Variants in KIR2DL4 observed in about 807,000 individuals in gnomAD.
The protein encoded by KIR2DL4 is killer cell immunoglobulin-like receptor 2DL4.
KIR2DL4 carries 41 observed loss-of-function variants against 31.0 expected under a neutral mutation model. The ratio of observed to expected loss-of-function variants is 1.32; its 90% confidence interval spans 1.03 to 1.72. The LOEUF (loss-of-function observed/expected upper bound fraction) is 1.72, where lower values mean the gene tolerates loss of function less well. Among genes scored for constraint, KIR2DL4 ranks in the 40% most tolerant of loss-of-function variants. The pLI, the probability that KIR2DL4 is intolerant of heterozygous loss-of-function variation, is 0.00. For synonymous variants in KIR2DL4, 164 were observed against 133.6 expected (o/e 1.23, Z -1.57); for missense variants, 438 against 353.7 (o/e 1.24, Z -1.91).
chr19:54,813,680 T>C lies in KIR2DL4; in HGVS notation c.811-10T>C. The stretch of plus-strand genomic sequence containing the variant: ...CTCCCAGCTGTTTTGATTGCTTCCG[T>C]CTCCTACAGATGCTGCTGTAATGAA... On this transcript the variant is annotated splice_polypyrimidine_tract_variant and intron_variant, in intron 6 of 7. Transcript: ENST00000359085. 2 of 1,611,520 alleles carry C rather than the reference T, an allele frequency of 1.2e-6. No homozygotes were observed. Among genetic ancestry groups the C allele is most frequent in the Non-Finnish European group, 1.7e-6 (2 of 1,179,342 alleles).
At chr19:54,812,883 A>G (rs1487778296) in intron 5 of KIR2DL4, among the ~76,000 whole-genome samples, 2 of 144,744 alleles carry the variant, frequency 1.4e-5, no homozygotes, top group African/African-American at 5.4e-5. Flanking sequence ...TGGGGATTAA[A>G]TTTCAAAGTG....
chr19:54,814,388 T>G, exon 8 of KIR2DL4: 1 of 466,268 alleles, frequency 2.1e-6, no homozygotes, highest in Non-Finnish European at 3.8e-6. Context: ...ACACGTGCTG[T>G]TCCACCTTCC....
chr19:54,808,880 A>G (rs2060686936), exon 5 of KIR2DL4: 16 of 1,603,922 alleles, frequency 1.0e-5, no homozygotes, highest in Admixed American at 1.7e-5. Context: ...AAGCTTCAAA[A>G]CTGGTAAGTG....
At chr19:54,810,868 C>T (rs1173350694) in intron 5 of KIR2DL4, among the ~76,000 whole-genome samples, 1 of 151,126 alleles carries the variant, frequency 6.6e-6, no homozygotes, top group Admixed American at 6.6e-5. Context: ...AATTCCCGCC[C>T]CCCTGGTGAA....
rs887455442 is a variant in KIR2DL4, at chr19:54,806,791, T to A, written c.655+547T>A. 1.8e-4 allele frequency among the ~76,000 whole-genome samples: 27 copies of A among 150,236 alleles called. 3 individuals carry two copies. Among genetic ancestry groups the A allele is most frequent in the African/African-American group, 2.5e-5 (1 of 40,434 alleles). On this transcript the variant is annotated intron_variant, in intron 4 of 7. Coordinates refer to ENST00000359085, the Ensembl canonical transcript of KIR2DL4. Reference sequence around the variant, plus strand: ...GAGACGCCAAGGCAGGTGGATCATTTAAAATCAGGGGCTGGAGACCAGCCT... The same window carrying A: ...GAGACGCCAAGGCAGGTGGATCATTAAAAATCAGGGGCTGGAGACCAGCCT...
chr19:54,811,082 G>A (rs1459940064), intron 5 of KIR2DL4, among the ~76,000 whole-genome samples: 1 of 151,360 alleles, frequency 6.6e-6, no homozygotes, highest in Non-Finnish European at 1.5e-5. Flanking sequence ...GAGGGGTGGT[G>A]CAAAGGAAGA....
At chr19:54,814,368 C>A in exon 8 of KIR2DL4, 1 of 503,578 alleles carries the variant, frequency 2.0e-6, no homozygotes, top group Non-Finnish European at 3.6e-6. Flanking sequence ...TCTCTTAACA[C>A]GGCACTTAGA....
At chr19:54,805,130 G>A in intron 3 of KIR2DL4, 53 bp downstream of exon 3, 1 of 1,514,374 alleles carries the variant, frequency 6.6e-7, no homozygotes, top group Non-Finnish European at 8.8e-7. Context: ...GAGTCCCAGA[G>A]CTTCTGGTGG....
chr19:54,805,011 G>C, exon 3 of KIR2DL4: 2 of 1,611,624 alleles, frequency 1.2e-6, no homozygotes, highest in Non-Finnish European at 1.7e-6. Context: ...CAGATGTCGA[G>C]GTTTTCACCC....
chr19:54,807,867 C>G (rs1601164771), intron 4 of KIR2DL4, among the ~76,000 whole-genome samples: 1 of 150,086 alleles, frequency 6.7e-6, no homozygotes. Context: ...TTGTCTGTCT[C>G]TGAGATAAAA....
Position 54,804,014 on chromosome 19 carries a change from G to A in KIR2DL4, c.76+88G>A, listed in dbSNP as rs1033282024. On this transcript the variant is annotated intron_variant, in intron 2 of 7. Transcript: ENST00000359085. Reference sequence around the variant, plus strand: ...ATGGGAGGGAGGCAGCACAGAGGGTGGGCTGATGGGCTGACCATGGGAAGG... The same window carrying A: ...ATGGGAGGGAGGCAGCACAGAGGGTAGGCTGATGGGCTGACCATGGGAAGG... 17 of 1,177,426 alleles carry A rather than the reference G, an allele frequency of 1.4e-5. 1 individual carries two copies. The highest frequency in any genetic ancestry group is 1.1e-4 in the African/African-American group (7 of 63,948). The allele number at this position is 1,177,426 out of a possible 1,614,324, so 72.9% of individuals were successfully genotyped here.
chr19:54,803,688 C>A, exon 1 of KIR2DL4: 1 of 1,612,074 alleles, frequency 6.2e-7, no homozygotes, highest in Non-Finnish European at 8.5e-7. Flanking sequence ...CCTGGCATGT[C>A]TTGGTGAGTC....
chr19:54,803,931 G>T lies in KIR2DL4; in HGVS notation c.76+5G>T, dbSNP rs1289602291. 6.2e-7 allele frequency: 1 copy of T among 1,609,090 alleles called. No homozygotes were observed. The highest frequency in any genetic ancestry group is 1.7e-5 in the Admixed American group (1 of 59,758). ...AGAGTGTGTGGGCACACGTGGGTGA[G>T]TCCTTCCCCAAATGATGGGTTGCCA... On this transcript the variant is annotated splice_donor_5th_base_variant and intron_variant, in intron 2 of 7. Transcript: ENST00000359085.
exon 6 of KIR2DL4, chr19:54,813,132 C>T: frequency 1.3e-6 from 2 of 1,484,832 alleles, no homozygotes; most frequent in Admixed American, 1.8e-5. Context: ...CAGGTATCGC[C>T]AGACACCTGC....
At chr19:54,806,298 G>A in intron 4 of KIR2DL4, 54 bp downstream of exon 4, 5 of 1,527,458 alleles carry the variant, frequency 3.3e-6, no homozygotes, top group South Asian at 1.2e-5. Context: ...CCTTAGCTGA[G>A]GAGCTTCCTG....
intron 5 of KIR2DL4, chr19:54,813,001 G>A (rs2060955142): frequency 7.6e-6 from 5 of 655,730 alleles, no homozygotes; most frequent in Non-Finnish European, 1.2e-5. Flanking sequence ...TGGGTCTCCC[G>A]CCTCGTGGGT....
In KIR2DL4 at chr19:54,813,466, T is replaced by C. The variant is rs1269123736; in HGVS notation, c.811-224T>C. Among the ~76,000 whole-genome samples, 50 of 150,308 alleles carry C rather than the reference T, an allele frequency of 3.3e-4. 1 individual carries two copies. Among genetic ancestry groups the C allele is most frequent in the African/African-American group, 1.2e-3 (49 of 40,518 alleles). ...CAGCCACTCACATCCAGGAGAAGAT[T>C]CCATGACAGGCAGAAAGTGGGAGAT... On this transcript the variant is annotated intron_variant, in intron 6 of 7. Coordinates refer to ENST00000359085, the Ensembl canonical transcript of KIR2DL4.
Position 54,806,355 on chromosome 19 carries a change from A to G in KIR2DL4, c.655+111A>G. ...GACAGATGTGGAGAGAAGATGCAGC[A>G]TGGTGTGAGGGTGGGATCAGGGCAC... is the stretch of plus-strand genomic sequence containing the variant. On this transcript the variant is annotated intron_variant, in intron 4 of 7. Coordinates refer to ENST00000359085, the Ensembl canonical transcript of KIR2DL4. The G allele has an allele frequency of 3.3e-6, 4 of 1,227,788 alleles. 1 individual carries two copies. Among genetic ancestry groups the G allele is most frequent in the Non-Finnish European group, 4.6e-6 (4 of 868,038 alleles). 76.1% of individuals were successfully genotyped at this position (1,227,788 alleles called of 1,614,324 possible).
chr19:54,805,070 G>A, exon 3 of KIR2DL4: 1 of 1,602,356 alleles, frequency 6.2e-7, no homozygotes, highest in Non-Finnish European at 8.5e-7. Flanking sequence ...TGGTGATCAT[G>A]GTCACAGGTC....
Sources: gnomAD v4.1 joint callset for allele counts (sites outside exome capture counted in the v4.1 genomes callset) on GRCh38, gnomAD v4.1.1 for gene constraint, MANE v1.5 for transcripts, NCBI Gene and HGNC (gene_info 2026-07-23, HGNC 2026-07-21) for gene names.